The following ENOX2 variants were observed in gnomAD, a reference collection of about 807,000 sequenced individuals.
ENOX2 encodes the protein APK1 antigen.
ENOX2 carries 36 observed loss-of-function variants against 45.0 expected under a neutral mutation model. That is an observed-to-expected ratio of 0.80 (90% CI 0.61 to 1.06). ENOX2 has a LOEUF of 1.06. Ranked by LOEUF, ENOX2 falls within the 50% of genes least tolerant of loss-of-function variation. The pLI is 0.00. For synonymous variants in ENOX2, 174 were observed against 152.3 expected (o/e 1.14, Z -1.05); for missense variants, 423 against 462.5 (o/e 0.91, Z 0.78).
Position 130,686,101 on chromosome X carries a change from G to C in ENOX2, c.253+2762C>G, listed in dbSNP as rs111246954. Among the ~76,000 whole-genome samples the C allele has an allele frequency of 4.3e-3, 477 of 111,257 alleles. 4 individuals are homozygous for C. Among genetic ancestry groups the C allele is most frequent in the Non-Finnish European group, 6.4e-3 (340 of 53,032 alleles). ...ATTTCAGAGGCCATTGAGTGTAAGAGAATATACCAGAGGCAGGCAGGAGTA... is the reference window on the plus strand; with the variant it reads ...ATTTCAGAGGCCATTGAGTGTAAGACAATATACCAGAGGCAGGCAGGAGTA... On this transcript the variant is annotated intron_variant, in intron 5 of 14. Transcript: ENST00000394363.
intron 2 of ENOX2, among the ~76,000 whole-genome samples, chrX:130,858,410 G>C (rs1179887061): frequency 9.0e-6 from 1 of 111,104 alleles, no homozygotes; most frequent in African/African-American, 3.3e-5. Flanking sequence ...GAGCCACAGC[G>C]CCCGGCCAAT....
At position 130,624,158 on chromosome X, in the gene ENOX2, A is replaced by T. The variant is rs2035484885; in HGVS notation, c.*1156T>A. ...CATCCTCTCTGTTTACTTTCCACCA[A>T]GCAGAAGTTTCTGAATGGTCCACTC... On this transcript the variant is annotated 3_prime_UTR_variant, in exon 15 of 15. Coordinates refer to ENST00000394363, the MANE Select transcript of ENOX2 (RefSeq NM_006375.4). 1 of 110,724 alleles carries T rather than the reference A, an allele frequency of 9.0e-6. No individual in the cohort carries two copies. Among genetic ancestry groups the T allele is most frequent in the Admixed American group, 9.7e-5 (1 of 10,340 alleles). The allele number at this position is 110,724 out of a possible 1,213,427, so 9.1% of individuals were successfully genotyped here.
chrX:130,708,533 T>C (rs1483911670), intron 3 of ENOX2, among the ~76,000 whole-genome samples: 3 of 112,215 alleles, frequency 2.7e-5, no homozygotes, highest in Non-Finnish European at 5.6e-5. Context: ...TTCTGTGTTC[T>C]CTTAGCTCAC....
At chrX:130,649,202 A>G (rs1339978577) in intron 10 of ENOX2, among the ~76,000 whole-genome samples, 2 of 108,918 alleles carry the variant, frequency 1.8e-5, no homozygotes, top group Non-Finnish European at 3.8e-5. Flanking sequence ...CAAATACTCA[A>G]TCTTGAATTT....
chrX:130,632,512 A>G (rs1350302538), intron 12 of ENOX2, among the ~76,000 whole-genome samples: 1 of 110,969 alleles, frequency 9.0e-6, no homozygotes, highest in African/African-American at 3.3e-5. Flanking sequence ...GTGAAGGCAA[A>G]GCTTTCAGAA....
At chrX:130,799,406 C>A (rs1274594779) in intron 2 of ENOX2, among the ~76,000 whole-genome samples, 1 of 111,934 alleles carries the variant, frequency 8.9e-6, no homozygotes, top group East Asian at 2.8e-4. Flanking sequence ...CTTCCCTGCT[C>A]CTCAGCTTGC....
chrX:130,782,877 CCAA>C (rs964287665), intron 3 of ENOX2, among the ~76,000 whole-genome samples: 15 of 109,832 alleles, frequency 1.4e-4, no homozygotes, highest in African/African-American at 4.9e-4. Context: ...TGAGAATAGG[CCAA>C]TGGGACATGA....
intron 3 of ENOX2, among the ~76,000 whole-genome samples, chrX:130,714,106 T>C (rs1330696210): frequency 9.0e-6 from 1 of 111,476 alleles, no homozygotes; most frequent in East Asian, 2.8e-4. Flanking sequence ...TCTGGCAAGA[T>C]CTCTTGGAGG....
chrX:130,834,075 C>T (rs1263976249), intron 2 of ENOX2, among the ~76,000 whole-genome samples: 3 of 111,812 alleles, frequency 2.7e-5, no homozygotes, highest in Non-Finnish European at 3.8e-5. Context: ...AACCACATTA[C>T]TTAGTACTAG....
At chrX:130,839,734 G>C (rs2077983278) in intron 2 of ENOX2, among the ~76,000 whole-genome samples, 1 of 111,725 alleles carries the variant, frequency 9.0e-6, no homozygotes, top group African/African-American at 3.2e-5. Flanking sequence ...AATGGAACCT[G>C]AACTTTAGTA....
intron 12 of ENOX2, among the ~76,000 whole-genome samples, chrX:130,633,881 T>C (rs1165419723): frequency 8.9e-6 from 1 of 112,759 alleles, no homozygotes; most frequent in African/African-American, 3.2e-5. Context: ...CTCTTTTCAA[T>C]TAAATGCTTG....
chrX:130,845,214 T>C (rs899314201), intron 2 of ENOX2, among the ~76,000 whole-genome samples: 7 of 111,977 alleles, frequency 6.3e-5, no homozygotes, highest in African/African-American at 1.9e-4. Context: ...CTAGTCTACA[T>C]ATCATGGTAA....
chrX:130,804,260 C>T (rs2077264374), intron 2 of ENOX2, among the ~76,000 whole-genome samples: 1 of 111,851 alleles, frequency 8.9e-6, no homozygotes, highest in African/African-American at 3.2e-5. Flanking sequence ...TGGCTTAGAC[C>T]CATCATTCTA....
At chrX:130,735,863 G>A (rs1417486175) in intron 3 of ENOX2, among the ~76,000 whole-genome samples, 1 of 111,145 alleles carries the variant, frequency 9.0e-6, no homozygotes, top group Non-Finnish European at 1.9e-5. Flanking sequence ...AAAAAAATCA[G>A]GCTACAGAAT....
At chrX:130,733,512 C>T (rs1279153777) in intron 3 of ENOX2, among the ~76,000 whole-genome samples, 2 of 112,020 alleles carry the variant, frequency 1.8e-5, no homozygotes, top group Non-Finnish European at 3.8e-5. Flanking sequence ...AAAACTTGTA[C>T]ATAAATGTAT....
chrX:130,779,173 T>C (rs1288473941), intron 3 of ENOX2, among the ~76,000 whole-genome samples: 1 of 112,534 alleles, frequency 8.9e-6, no homozygotes, highest in African/African-American at 3.2e-5. Context: ...ACTCTTTTGC[T>C]ATAGAGTACC....
At chrX:130,770,622 C>T (rs190115750) in intron 3 of ENOX2, among the ~76,000 whole-genome samples, 40 of 111,181 alleles carry the variant, frequency 3.6e-4, no homozygotes, top group Admixed American at 3.3e-3. Flanking sequence ...AAAAGAAACA[C>T]AAAGGACTAG....
intron 2 of ENOX2, among the ~76,000 whole-genome samples, chrX:130,837,176 A>G (rs1473274978): frequency 8.9e-6 from 1 of 112,220 alleles, no homozygotes; most frequent in Non-Finnish European, 1.9e-5. Context: ...AGACTAATCA[A>G]TTTTCATTAA....
At chrX:130,808,444 T>C (rs1400317902) in intron 2 of ENOX2, among the ~76,000 whole-genome samples, 1 of 111,693 alleles carries the variant, frequency 9.0e-6, no homozygotes, top group Non-Finnish European at 1.9e-5. Context: ...GTAAATGGCA[T>C]AAAATATGGA....
Sources: allele counts gnomAD v4.1 joint callset (sites outside exome capture counted in the v4.1 genomes callset), GRCh38; gene constraint gnomAD v4.1.1; transcripts MANE v1.5; gene names NCBI Gene and HGNC (gene_info 2026-07-23, HGNC 2026-07-21).